XKR9: variants seen among roughly 807,000 people sequenced by gnomAD.
XKR9 encodes the protein XK related 9.
XKR9 carries 32 observed loss-of-function variants against 32.0 expected under a neutral mutation model. The ratio of observed to expected loss-of-function variants is 1.00; its 90% confidence interval spans 0.76 to 1.34. The LOEUF (loss-of-function observed/expected upper bound fraction) is 1.34, where lower values mean the gene tolerates loss of function less well. Among genes scored for constraint, XKR9 ranks in the 40% most tolerant of loss-of-function variants. The pLI is 0.00. For missense variants in XKR9, 546 were observed against 429.7 expected (o/e 1.27, Z -2.39); for synonymous variants, 168 against 143.4 (o/e 1.17, Z -1.22).
intron 2 of XKR9, among the ~76,000 whole-genome samples, chr8:70,765,145 C>T (rs1360684473): frequency 2.0e-5 from 3 of 152,192 alleles, no homozygotes; most frequent in Non-Finnish European, 4.4e-5. Context: ...ATTTCTGGTT[C>T]TAGATCCTTG....
chr8:70,833,081 T>G, the XKR9 span, among the ~76,000 whole-genome samples: 6 of 152,358 alleles, frequency 3.9e-5, no homozygotes, highest in East Asian at 1.9e-4. Context: ...GTTTGTCATA[T>G]CTTCTGTCAA....
At chr8:70,898,102 AG>A in the XKR9 span, among the ~76,000 whole-genome samples, 2 of 152,178 alleles carry the variant, frequency 1.3e-5, no homozygotes, top group Non-Finnish European at 2.9e-5. Context: ...GGTGAGGGAT[AG>A]GGGTCTAGTT....
chr8:70,996,778 A>G, the XKR9 span, among the ~76,000 whole-genome samples: 41 of 152,312 alleles, frequency 2.7e-4, no homozygotes, highest in East Asian at 7.4e-3. Context: ...ACCCTGAAGC[A>G]GGCCATAAAA....
At chr8:71,050,891 A>T in the XKR9 span, among the ~76,000 whole-genome samples, 1 of 152,220 alleles carries the variant, frequency 6.6e-6, no homozygotes, top group Admixed American at 6.5e-5. Context: ...CTTTTTGAAC[A>T]GAAAGCAAAT....
At chr8:70,868,997 AC>A in the XKR9 span, among the ~76,000 whole-genome samples, 1 of 152,178 alleles carries the variant, frequency 6.6e-6, no homozygotes, top group Admixed American at 6.5e-5. Context: ...CTAAAACATA[AC>A]AAGAGTCATG....
At chr8:70,952,591 G>T in the XKR9 span, among the ~76,000 whole-genome samples, 5 of 152,134 alleles carry the variant, frequency 3.3e-5, no homozygotes, top group African/African-American at 1.2e-4. Flanking sequence ...AGAGAGAAGA[G>T]GCATTGAAAG....
chr8:70,989,858 C>G, the XKR9 span, among the ~76,000 whole-genome samples: 1 of 152,182 alleles, frequency 6.6e-6, no homozygotes, highest in Non-Finnish European at 1.5e-5. Flanking sequence ...TCTCTCATCC[C>G]CTAATAACCT....
At chr8:70,683,624 A>T (rs1018775685) in intron 3 of XKR9, 2 of 426,858 alleles carry the variant, frequency 4.7e-6, no homozygotes, top group African/African-American at 4.2e-5. Flanking sequence ...AGTAGCTGGG[A>T]TTACAGGCAT....
At chr8:70,736,934 T>C (rs1341575622), downstream of XKR9, among the ~76,000 whole-genome samples, 1 of 152,202 alleles carries the variant, frequency 6.6e-6, no homozygotes. Flanking sequence ...TGGCTTAGGA[T>C]TGACTCGGCG....
the XKR9 span, among the ~76,000 whole-genome samples, chr8:70,853,675 C>T: frequency 6.6e-6 from 1 of 152,004 alleles, no homozygotes; most frequent in East Asian, 1.9e-4. Context: ...ATCCCTCCCT[C>T]ACTCCCCCCA....
At chr8:70,981,876 T>A in the XKR9 span, among the ~76,000 whole-genome samples, 1 of 152,224 alleles carries the variant, frequency 6.6e-6, no homozygotes, top group Non-Finnish European at 1.5e-5. Flanking sequence ...GAATGGGGCT[T>A]CCCAAGAGCT....
the XKR9 span, among the ~76,000 whole-genome samples, chr8:71,050,781 T>C: frequency 6.6e-6 from 1 of 152,184 alleles, no homozygotes; most frequent in Non-Finnish European, 1.5e-5. Context: ...AGCCCGAATT[T>C]GTTGAAATAA....
chr8:70,760,539 CTA>C (rs1266420901), intron 2 of XKR9, among the ~76,000 whole-genome samples: 2 of 152,066 alleles, frequency 1.3e-5, no homozygotes, highest in African/African-American at 2.4e-5. Context: ...AAGGGTTTTG[CTA>C]TGTTTCCCAG....
At chr8:70,885,894 A>G in the XKR9 span, among the ~76,000 whole-genome samples, 1 of 151,296 alleles carries the variant, frequency 6.6e-6, no homozygotes, top group East Asian at 2.0e-4. Context: ...TTGCGCCCGG[A>G]CTTTTTTTAA....
chr8:70,813,591 A>G, the XKR9 span, among the ~76,000 whole-genome samples: 1 of 152,206 alleles, frequency 6.6e-6, no homozygotes, highest in Non-Finnish European at 1.5e-5. Context: ...AAACAAATTT[A>G]CAAGAAAAAA....
At chr8:70,739,124 A>G (rs1025043296), downstream of XKR9, among the ~76,000 whole-genome samples, 11 of 152,064 alleles carry the variant, frequency 7.2e-5, no homozygotes, top group African/African-American at 1.9e-4. Flanking sequence ...TAGGTCACTC[A>G]GGACTTGCTT....
At chr8:70,805,599 C>T in the XKR9 span, among the ~76,000 whole-genome samples, 1 of 152,200 alleles carries the variant, frequency 6.6e-6, no homozygotes, top group Non-Finnish European at 1.5e-5. Context: ...AACTTGGTCC[C>T]AAGACATGTT....
the XKR9 span, among the ~76,000 whole-genome samples, chr8:70,868,997 A>T: frequency 1.3e-5 from 2 of 152,178 alleles, no homozygotes; most frequent in Non-Finnish European, 2.9e-5. Context: ...CTAAAACATA[A>T]CAAGAGTCAT....
the XKR9 span, among the ~76,000 whole-genome samples, chr8:70,841,854 C>T: frequency 6.6e-6 from 1 of 152,170 alleles, no homozygotes; most frequent in Non-Finnish European, 1.5e-5. Context: ...TATTGTCTCC[C>T]AGGATCCTCC....
Sources: allele counts gnomAD v4.1 joint callset (sites outside exome capture counted in the v4.1 genomes callset), GRCh38; gene constraint gnomAD v4.1.1; transcripts MANE v1.5; gene names NCBI Gene and HGNC (gene_info 2026-07-23, HGNC 2026-07-21).